The following CERS6 variants were observed in gnomAD, a reference collection of about 807,000 sequenced individuals.
CERS6 encodes ceramide synthase 6, also known as LAG1 homolog, ceramide synthase 6.
A neutral mutation model predicts 56.8 loss-of-function variants in CERS6; 26 were observed. The ratio of observed to expected loss-of-function variants is 0.46; its 90% confidence interval spans 0.34 to 0.63. CERS6 has a LOEUF of 0.63. Among genes scored for constraint, CERS6 ranks in the 30% least tolerant of loss-of-function variants. The pLI is 0.01. For missense variants in CERS6, 415 were observed against 467.5 expected (o/e 0.89, Z 1.04); for synonymous variants, 164 against 173.3 (o/e 0.95, Z 0.42).
At chr2:168,501,437 A>G (rs1694578811) in intron 1 of CERS6, among the ~76,000 whole-genome samples, 1 of 152,236 alleles carries the variant, frequency 6.6e-6, no homozygotes, top group Non-Finnish European at 1.5e-5. Context: ...GGAAGCTGTA[A>G]GAAGATTCTC....
chr2:168,506,711 T>C (rs2105348148), intron 1 of CERS6, among the ~76,000 whole-genome samples: 1 of 152,286 alleles, frequency 6.6e-6, no homozygotes, highest in Non-Finnish European at 1.5e-5. Flanking sequence ...GAGAATCTGA[T>C]TGGCAGGCTA....
At chr2:168,636,885 C>A (rs920418957) in intron 4 of CERS6, among the ~76,000 whole-genome samples, 2 of 152,128 alleles carry the variant, frequency 1.3e-5, no homozygotes, top group Non-Finnish European at 2.9e-5. Flanking sequence ...ACTGTGAGGC[C>A]CTGTAGAGGC....
chr2:168,619,043 A>G (rs1221805402), intron 3 of CERS6, among the ~76,000 whole-genome samples: 2 of 152,180 alleles, frequency 1.3e-5, no homozygotes, highest in Admixed American at 1.3e-4. Flanking sequence ...AGAACAGAGA[A>G]CCAGAAATAA....
intron 8 of CERS6, among the ~76,000 whole-genome samples, chr2:168,728,581 T>TTCACCAGGC (rs1683419588): frequency 1.3e-5 from 2 of 149,896 alleles, no homozygotes; most frequent in South Asian, 4.3e-4. Flanking sequence ...GAGATGGGGT[T>TTCACCAGGC]TCACCAGGCT....
intron 8 of CERS6, among the ~76,000 whole-genome samples, chr2:168,734,272 C>G (rs1383179686): frequency 1.3e-5 from 2 of 152,070 alleles, no homozygotes; most frequent in African/African-American, 2.4e-5. Flanking sequence ...ATAAGCTGAC[C>G]ATCAGTTATT....
In CERS6 at chr2:168,769,407, T is replaced by C. The variant is rs925250699; in HGVS notation, c.1003-103T>C. 4.8e-6 allele frequency: 5 copies of C among 1,046,344 alleles called. No individual in the cohort carries two copies. In the African/African-American group the frequency reaches 8.3e-5, roughly 17 times the overall value. 64.8% of individuals were successfully genotyped at this position (1,046,344 alleles called of 1,614,324 possible). A position where few individuals can be genotyped will look rare whatever the true frequency, so the allele number is the denominator to read the frequency against. On this transcript the variant is annotated intron_variant, in intron 9 of 9. Coordinates refer to ENST00000305747, the MANE Select transcript of CERS6 (RefSeq NM_203463.3). ...TCTCATCCTCTTCAGTTTTTTAACA[T>C]TGGGATCTGTTTCCCCTTGTGTATG...
intron 3 of CERS6, among the ~76,000 whole-genome samples, chr2:168,616,620 A>C (rs913277269): frequency 1.3e-5 from 2 of 152,238 alleles, no homozygotes; most frequent in Non-Finnish European, 2.9e-5. Context: ...TTAAAGCAAC[A>C]GCAGTTAAAA....
chr2:168,534,934 T>C (rs974777882), intron 1 of CERS6, among the ~76,000 whole-genome samples: 5 of 152,192 alleles, frequency 3.3e-5, no homozygotes, highest in African/African-American at 9.7e-5. Flanking sequence ...GCTGGAGTTA[T>C]TGGAGTTCCT....
At chr2:168,708,733 T>C (rs1447914388) in intron 6 of CERS6, among the ~76,000 whole-genome samples, 1 of 152,148 alleles carries the variant, frequency 6.6e-6, no homozygotes, top group Non-Finnish European at 1.5e-5. Flanking sequence ...ATATTCCTCA[T>C]GTCTGTGCAC....
intron 6 of CERS6, among the ~76,000 whole-genome samples, chr2:168,697,120 C>T (rs1234257253): frequency 6.6e-6 from 1 of 152,168 alleles, no homozygotes; most frequent in Non-Finnish European, 1.5e-5. Flanking sequence ...CTCCTTCCAC[C>T]ATCCTACAGC....
At chr2:168,701,204 C>T (rs961471069) in intron 6 of CERS6, among the ~76,000 whole-genome samples, 11 of 152,196 alleles carry the variant, frequency 7.2e-5, no homozygotes, top group Non-Finnish European at 1.5e-4. Flanking sequence ...TTTTAAACCA[C>T]TGAGGTTTTA....
chr2:168,682,442 A>C (rs977021155), intron 4 of CERS6, among the ~76,000 whole-genome samples: 1 of 152,228 alleles, frequency 6.6e-6, no homozygotes, highest in African/African-American at 2.4e-5. Context: ...CGTAAAGTAC[A>C]CTGTATACCT....
intron 3 of CERS6, among the ~76,000 whole-genome samples, chr2:168,599,252 C>T (rs945408294): frequency 1.3e-5 from 2 of 152,106 alleles, no homozygotes; most frequent in Non-Finnish European, 2.9e-5. Flanking sequence ...GTTCTTTTCT[C>T]CCCCCAATCC....
chr2:168,553,067 G>A (rs1695606835), intron 2 of CERS6, among the ~76,000 whole-genome samples: 1 of 152,078 alleles, frequency 6.6e-6, no homozygotes, highest in Non-Finnish European at 1.5e-5. Context: ...AGCTGGTAGA[G>A]TTCAGAGAAA....
intron 1 of CERS6, among the ~76,000 whole-genome samples, chr2:168,542,300 T>C (rs1695387217): frequency 6.6e-6 from 1 of 152,272 alleles, no homozygotes; most frequent in Non-Finnish European, 1.5e-5. Flanking sequence ...ATGTACTCTT[T>C]ACCCAGTTAC....
At chr2:168,508,572 G>A (rs868280928) in intron 1 of CERS6, among the ~76,000 whole-genome samples, 1 of 152,142 alleles carries the variant, frequency 6.6e-6, no homozygotes, top group African/African-American at 2.4e-5. Flanking sequence ...GGACATGGAT[G>A]AAGCTGGAAA....
At chr2:168,512,546 GT>G (rs1233964695) in intron 1 of CERS6, among the ~76,000 whole-genome samples, 1 of 151,660 alleles carries the variant, frequency 6.6e-6, no homozygotes, top group African/African-American at 2.4e-5. Flanking sequence ...ACTTCAAGAT[GT>G]TTTAATGTAT....
intron 3 of CERS6, among the ~76,000 whole-genome samples, chr2:168,614,156 A>G (rs1684254255): frequency 6.6e-6 from 1 of 152,238 alleles, no homozygotes; most frequent in Admixed American, 6.5e-5. Context: ...AATACAAATT[A>G]TTGGTCAGAA....
chr2:168,496,461 G>T (rs1694471372), intron 1 of CERS6, among the ~76,000 whole-genome samples: 2 of 152,050 alleles, frequency 1.3e-5, no homozygotes, highest in South Asian at 4.2e-4. Flanking sequence ...AGGCGAAAAT[G>T]ATAGGAAGCC....
Sources: allele counts gnomAD v4.1 joint callset (sites outside exome capture counted in the v4.1 genomes callset), GRCh38; gene constraint gnomAD v4.1.1; transcripts MANE v1.5; gene names NCBI Gene and HGNC (gene_info 2026-07-23, HGNC 2026-07-21).